The following CLDN16 variants were observed in gnomAD, a reference collection of about 807,000 sequenced individuals.
CLDN16 encodes the protein claudin-16.
A neutral mutation model predicts 24.6 loss-of-function variants in CLDN16; 13 were observed. The observed-to-expected ratio is 0.53, with a 90% confidence interval of 0.34 to 0.84. The LOEUF (loss-of-function observed/expected upper bound fraction) is 0.84, where lower values mean the gene tolerates loss of function less well. Among genes scored for constraint, CLDN16 ranks in the 40% least tolerant of loss-of-function variants. The pLI is 0.01. For synonymous variants in CLDN16, 116 were observed against 106.7 expected (o/e 1.09, Z -0.54); for missense variants, 298 against 292.7 (o/e 1.02, Z -0.13).
chr3:190,375,885 A>G (rs63740460), intron 3 of CLDN16, among the ~76,000 whole-genome samples: 1 of 29,958 alleles, frequency 3.3e-5, no homozygotes, highest in Admixed American at 3.4e-4. Flanking sequence ...CTCCCCCCAC[A>G]AAAAAACACC....
intron 1 of CLDN16, among the ~76,000 whole-genome samples, chr3:190,389,705 T>C (rs1485138858): frequency 6.6e-6 from 1 of 152,202 alleles, no homozygotes; most frequent in Non-Finnish European, 1.5e-5. Context: ...CATGAATATA[T>C]GCAAAGAATG....
chr3:190,312,982 A>G, the CLDN16 span: 2 of 1,614,202 alleles, frequency 1.2e-6, no homozygotes, highest in South Asian at 1.1e-5. Flanking sequence ...AAAGATTGCT[A>G]TCACTCCCAG....
chr3:190,299,230 A>G, the CLDN16 span, among the ~76,000 whole-genome samples: 1 of 152,120 alleles, frequency 6.6e-6, no homozygotes, highest in Non-Finnish European at 1.5e-5. Context: ...TAATAAGCTT[A>G]TATCATTTAT....
upstream of CLDN16, chr3:190,322,167 C>A (rs1716944232): frequency 6.2e-7 from 1 of 1,614,142 alleles, no homozygotes; most frequent in Non-Finnish European, 8.5e-7. Context: ...CCCAGGAAGG[C>A]GAGAATGAAG....
upstream of CLDN16, chr3:190,322,081 G>A (rs771976396): frequency 1.1e-5 from 18 of 1,614,212 alleles, no homozygotes; most frequent in Non-Finnish European, 1.4e-5. Context: ...TGGCCTGGGC[G>A]GTCACGATGT....
the CLDN16 span, chr3:190,305,908 AT>A: frequency 6.6e-6 from 1 of 152,212 alleles, no homozygotes; most frequent in South Asian, 2.1e-4. Context: ...GGTAACTGAT[AT>A]CCACATGGAA....
chr3:190,330,432 T>C lies in CLDN16; in HGVS notation n.121+7771T>C, dbSNP rs184678016. On this transcript the variant is annotated intron_variant and non_coding_transcript_variant, in intron 1 of 4. Transcript: ENST00000468220. The stretch of plus-strand genomic sequence containing the variant: ...AGCATGAGCTGTAGCTTCAGATTGA[T>C]GCATTCCAATCTTGGCTTTGCTGGT... Among the ~76,000 whole-genome samples, 179 of 152,352 alleles carry C rather than the reference T, an allele frequency of 1.2e-3. No individual in the cohort carries two copies. In the Middle Eastern group the frequency reaches 0.027, roughly 23 times the overall value.
rs62280988 is a variant in CLDN16, at chr3:190,327,809, C to T, written n.121+5148C>T. Among the ~76,000 whole-genome samples, 442 of 152,248 alleles carry T rather than the reference C, an allele frequency of 2.9e-3. 1 individual carries two copies. Among genetic ancestry groups the T allele is most frequent in the Non-Finnish European group, 4.9e-3 (336 of 68,024 alleles). The stretch of plus-strand genomic sequence containing the variant: ...TACTCAGTAAGTGAGGGGTAACTAA[C>T]GGAATTAGTGAACAGATGGATGGAC... On this transcript the variant is annotated intron_variant and non_coding_transcript_variant, in intron 1 of 4. Transcript: ENST00000468220.
upstream of CLDN16, chr3:190,322,024 C>T (rs373860523): frequency 1.4e-5 from 22 of 1,614,128 alleles, no homozygotes; most frequent in African/African-American, 2.4e-4. Flanking sequence ...TGCACTGGAT[C>T]TGCCCGGTGC....
chr3:190,309,490 C>A, the CLDN16 span, among the ~76,000 whole-genome samples: 1 of 152,158 alleles, frequency 6.6e-6, no homozygotes, highest in Non-Finnish European at 1.5e-5. Context: ...ATTTTAACAT[C>A]CTGACTGAAT....
At chr3:190,348,408 C>T (rs1054617993) in intron 1 of CLDN16, among the ~76,000 whole-genome samples, 1 of 150,870 alleles carries the variant, frequency 6.6e-6, no homozygotes, top group African/African-American at 2.4e-5. Context: ...AAGATATACA[C>T]ACCCACACTG....
At chr3:190,326,585 T>C (rs575430859) in intron 1 of CLDN16, among the ~76,000 whole-genome samples, 2 of 152,286 alleles carry the variant, frequency 1.3e-5, no homozygotes, top group South Asian at 2.1e-4. Flanking sequence ...AGAATGGCGA[T>C]GTGATATCAG....
chr3:190,326,326 G>A (rs1000941073), intron 1 of CLDN16, among the ~76,000 whole-genome samples: 2 of 152,148 alleles, frequency 1.3e-5, no homozygotes, highest in Non-Finnish European at 2.9e-5. Flanking sequence ...TTCATGCTTC[G>A]ATTCTGTTAC....
At chr3:190,314,553 C>A in the CLDN16 span, among the ~76,000 whole-genome samples, 1 of 140,352 alleles carries the variant, frequency 7.1e-6, no homozygotes, top group Non-Finnish European at 1.5e-5. Flanking sequence ...AACCACCATG[C>A]CTGGCTAAAT....
At chr3:190,404,681 C>A in intron 2 of CLDN16, 81 bp from the exon 3 acceptor site, 1 of 1,394,504 alleles carries the variant, frequency 7.2e-7, no homozygotes, top group Non-Finnish European at 1.0e-6. Flanking sequence ...ACCTACTTGT[C>A]TGTTTTTTTT....
At chr3:190,365,552 TC>T (rs1718002843) in intron 1 of CLDN16, among the ~76,000 whole-genome samples, 1 of 148,034 alleles carries the variant, frequency 6.8e-6, no homozygotes, top group South Asian at 2.2e-4. Flanking sequence ...CCATCTTTTT[TC>T]CCAAACTTCC....
chr3:190,406,132 A>G (rs1338469699), intron 3 of CLDN16, among the ~76,000 whole-genome samples: 3 of 152,204 alleles, frequency 2.0e-5, no homozygotes, highest in Admixed American at 2.0e-4. Context: ...CTGAATTGCT[A>G]TGGTGAAGAT....
chr3:190,313,047 A>G, the CLDN16 span: 1 of 1,614,126 alleles, frequency 6.2e-7, no homozygotes, highest in Non-Finnish European at 8.5e-7. Context: ...CTGGCAGAAA[A>G]CATTTTAAAA....
the CLDN16 span, among the ~76,000 whole-genome samples, chr3:190,293,372 A>G: frequency 1.3e-5 from 2 of 152,236 alleles, no homozygotes; most frequent in Non-Finnish European, 2.9e-5. Flanking sequence ...ACACAAAGCC[A>G]ATCCATATCA....
Sources: gnomAD v4.1 joint callset for allele counts (sites outside exome capture counted in the v4.1 genomes callset) on GRCh38, gnomAD v4.1.1 for gene constraint, MANE v1.5 for transcripts, NCBI Gene and HGNC (gene_info 2026-07-23, HGNC 2026-07-21) for gene names.